The following SENP6 variants were observed in gnomAD, a reference collection of about 807,000 sequenced individuals.
SENP6 encodes SUMO specific peptidase 6.
SENP6 carries 41 observed loss-of-function variants against 134.5 expected under a neutral mutation model. The ratio of observed to expected loss-of-function variants is 0.30; its 90% CI spans 0.24 to 0.40. The LOEUF (loss-of-function observed/expected upper bound fraction) is 0.40. Among genes scored for constraint, SENP6 ranks in the 10% least tolerant of loss-of-function variants. The pLI, the probability that SENP6 is intolerant of heterozygous loss-of-function variation, is 1.00. For synonymous variants in SENP6, 395 were observed against 429.8 expected (o/e 0.92, Z 1.00); for missense variants, 1,248 against 1,312.5 (o/e 0.95, Z 0.76).
At chr6:75,614,276 T>TTG (rs1767685136) in intron 1 of SENP6, among the ~76,000 whole-genome samples, 10 of 150,672 alleles carry the variant, frequency 6.6e-5, no homozygotes, top group Admixed American at 3.3e-4. Context: ...TTTTTTTTTT[T>TTG]TTTGTTTGAG....
intron 3 of SENP6, among the ~76,000 whole-genome samples, chr6:75,629,465 A>G (rs1471016882): frequency 1.3e-5 from 2 of 151,968 alleles, no homozygotes; most frequent in Admixed American, 1.3e-4. Context: ...ATGTCTGGCT[A>G]GTTTTTGTGT....
At chr6:75,628,687 A>T (rs1241118683) in intron 3 of SENP6, among the ~76,000 whole-genome samples, 1 of 152,138 alleles carries the variant, frequency 6.6e-6, no homozygotes, top group East Asian at 1.9e-4. Flanking sequence ...TAAATAGATA[A>T]ATATGGAAAT....
chr6:75,627,463 G>T (rs978562397), intron 3 of SENP6, among the ~76,000 whole-genome samples: 6 of 152,056 alleles, frequency 3.9e-5, no homozygotes, highest in Non-Finnish European at 8.8e-5. Context: ...AGTGAACTTG[G>T]TAGATGAAAA....
At chr6:75,604,944 G>A (rs1345718575) in intron 1 of SENP6, among the ~76,000 whole-genome samples, 17 of 151,904 alleles carry the variant, frequency 1.1e-4, no homozygotes, top group African/African-American at 1.5e-4. Context: ...GTGGTGGCGC[G>A]CGCCTGTAAT....
chr6:75,643,518 T>TA (rs1178176230), intron 6 of SENP6, among the ~76,000 whole-genome samples: 4 of 152,130 alleles, frequency 2.6e-5, no homozygotes, highest in African/African-American at 9.7e-5. Flanking sequence ...CTAAAATAGT[T>TA]AAAATTCAAG....
rs1171797759 is a variant in SENP6, at chr6:75,703,064, A to G, written c.2708A>G (p.His903Arg). 1 of 1,599,304 alleles carries G rather than the reference A, an allele frequency of 6.3e-7. No individual in the cohort carries two copies. The change falls in exon 19 of 24, where the codon CAT (histidine) becomes CGT (arginine). Residue 903 changes from histidine to arginine, a missense_variant. His to Arg is a conservative substitution (Grantham distance 29, BLOSUM62 0). This residue lies in a region of SENP6 where 386 missense variants were observed against 395.0 expected (regional missense o/e 0.98). Transcript: ENST00000447266. ...GLQNESLSST[H>R]HTDGLSKIRL... ...CAGAATGAAAGTTTAAGTTCCACAC[A>G]TCATACAGGTATGTATCTAAATGTT...
chr6:75,690,054 G>A (rs1774129383), intron 16 of SENP6, among the ~76,000 whole-genome samples: 1 of 152,136 alleles, frequency 6.6e-6, no homozygotes, highest in South Asian at 2.1e-4. Flanking sequence ...TGGGACTACA[G>A]GTGCACACCG....
chr6:75,606,448 A>T (rs1183734479), intron 1 of SENP6, among the ~76,000 whole-genome samples: 1 of 152,218 alleles, frequency 6.6e-6, no homozygotes, highest in Non-Finnish European at 1.5e-5. Context: ...ACAGATACTT[A>T]TTGAACACCT....
chr6:75,632,780 C>G (rs887308572), intron 3 of SENP6, among the ~76,000 whole-genome samples: 2 of 152,052 alleles, frequency 1.3e-5, no homozygotes, highest in Admixed American at 1.3e-4. Context: ...TGGGAGTACT[C>G]TAATCTGTGA....
rs575493000 is a variant in SENP6 at position 75,658,889 on chromosome 6, T to G, written c.551-373T>G. Among the ~76,000 whole-genome samples, 155 of 146,422 alleles carry G rather than the reference T, an allele frequency of 1.1e-3. 1 individual carries two copies. Among genetic ancestry groups the G allele is most frequent in the African/African-American group, 3.8e-3 (152 of 39,590 alleles). On this transcript the variant is annotated intron_variant, in intron 7 of 23. Transcript: ENST00000447266. ...TTGGAGGCTGAGGTGAGAAGATCACTTGAGCTAAGGTGTTTGAGATTAGAG... is the reference window on the plus strand; with the variant it reads ...TTGGAGGCTGAGGTGAGAAGATCACGTGAGCTAAGGTGTTTGAGATTAGAG...
At chr6:75,705,837 A>C (rs1326212430) in intron 19 of SENP6, among the ~76,000 whole-genome samples, 3 of 151,510 alleles carry the variant, frequency 2.0e-5, no homozygotes, top group African/African-American at 7.3e-5. Context: ...TTCAGAAAGA[A>C]CCTATCAAAA....
chr6:75,634,932 TA>T (rs757980611), intron 5 of SENP6, 121 bp downstream of exon 5: 2 of 701,210 alleles, frequency 2.9e-6, no homozygotes, highest in Non-Finnish European at 5.2e-6. Flanking sequence ...TGTAGAGAGA[TA>T]TATCTCTGAA....
intron 20 of SENP6, 142 bp from the exon 21 acceptor site, chr6:75,711,186 A>G (rs1272993335): frequency 1.8e-6 from 1 of 549,452 alleles, no homozygotes; most frequent in East Asian, 2.9e-5. Flanking sequence ...AACATACCAC[A>G]TCTCTAGTGT....
Position 75,633,638 on chromosome 6 carries a change from T to C in SENP6, c.265T>C (p.Tyr89His). 6.2e-7 allele frequency: 1 copy of C among 1,611,640 alleles called. No homozygotes were observed. Among genetic ancestry groups the C allele is most frequent in the Non-Finnish European group, 8.5e-7 (1 of 1,179,014 alleles). The change falls in exon 4 of 24, where the codon TAT (tyrosine) becomes CAT (histidine). Residue 89 changes from tyrosine (Y) to histidine (H), a missense_variant. Transcript: ENST00000447266. Reference protein sequence around the residue: ...NSSGEFILKTYVRRNKSESFK... With the variant: ...NSSGEFILKTHVRRNKSESFK... ...CTCTGGTGAATTCATCTTGAAGACA[T>C]ATGTAAGACGAAACAAGTCTGAAAG... is the stretch of plus-strand genomic sequence containing the variant.
intron 7 of SENP6, chr6:75,655,374 C>G (rs201855743): frequency 6.6e-6 from 1 of 152,174 alleles, no homozygotes; most frequent in African/African-American, 2.4e-5. Context: ...CTACATATCC[C>G]TTTCTAACCA....
At chr6:75,655,708 A>G (rs1358094039) in intron 7 of SENP6, among the ~76,000 whole-genome samples, 2 of 152,246 alleles carry the variant, frequency 1.3e-5, no homozygotes, top group African/African-American at 2.4e-5. Flanking sequence ...TCGATAATAT[A>G]AATAATCGAT....
At chr6:75,604,612 G>A (rs1766887733) in intron 1 of SENP6, among the ~76,000 whole-genome samples, 1 of 147,764 alleles carries the variant, frequency 6.8e-6, no homozygotes, top group South Asian at 2.2e-4. Context: ...GCAACTGAGC[G>A]AGATTCTGTC....
chr6:75,694,680 A>C (rs1774531566), intron 16 of SENP6, among the ~76,000 whole-genome samples: 1 of 152,170 alleles, frequency 6.6e-6, no homozygotes, highest in South Asian at 2.1e-4. Flanking sequence ...TTTAGTTGGC[A>C]TGTTTTCAAG....
intron 1 of SENP6, among the ~76,000 whole-genome samples, chr6:75,612,168 TA>T: frequency 6.6e-6 from 1 of 152,134 alleles, no homozygotes; most frequent in Non-Finnish European, 1.5e-5. Flanking sequence ...GTCTGCAGTC[TA>T]AAGACCTCTT....
Sources: gnomAD v4.1 joint callset for allele counts (sites outside exome capture counted in the v4.1 genomes callset) on GRCh38, gnomAD v4.1.1 for gene constraint, gnomAD v4.1.1 regional missense constraint, MANE v1.5 for transcripts, NCBI Gene and HGNC (gene_info 2026-07-23, HGNC 2026-07-21) for gene names.